MEF2C: variants seen among roughly 807,000 people sequenced by gnomAD.
MEF2C encodes the protein myocyte enhancer factor 2C, also known as myocyte-specific enhancer factor 2C.
A neutral mutation model predicts 50.5 loss-of-function variants in MEF2C; 6 were observed. The ratio of observed to expected loss-of-function variants is 0.12; its 90% CI spans 0.07 to 0.23. MEF2C has a LOEUF of 0.23. Ranked by LOEUF, MEF2C falls within the 10% of genes least tolerant of loss-of-function variation. The pLI is 1.00. For synonymous variants in MEF2C, 183 were observed against 228.0 expected (o/e 0.80, Z 1.78); for missense variants, 276 against 605.0 (o/e 0.46, Z 5.70).
intron 1 of MEF2C, among the ~76,000 whole-genome samples, chr5:88,835,981 A>G (rs1814942490): frequency 1.3e-5 from 2 of 152,126 alleles, no homozygotes; most frequent in Admixed American, 6.6e-5. Context: ...AATTAGGGGT[A>G]TATATTTTCA....
chr5:88,743,335 G>A (rs548244191), intron 6 of MEF2C: 436 of 985,298 alleles, frequency 4.4e-4, no homozygotes, highest in Non-Finnish European at 5.0e-4. Flanking sequence ...AAGTCACTAA[G>A]TAAGAATTGC....
chr5:88,890,906 T>A (rs993075157), intron 1 of MEF2C, among the ~76,000 whole-genome samples: 6 of 152,318 alleles, frequency 3.9e-5, no homozygotes, highest in Non-Finnish European at 7.3e-5. Flanking sequence ...GGAAAGAAGA[T>A]AAGGTCCCCT....
At chr5:88,776,332 CTTAT>C (rs1784743995) in intron 3 of MEF2C, among the ~76,000 whole-genome samples, 1 of 152,154 alleles carries the variant, frequency 6.6e-6, no homozygotes, top group African/African-American at 2.4e-5. Flanking sequence ...TATCACCTCT[CTTAT>C]TTTTTATGGT....
intron 1 of MEF2C, chr5:88,825,451 C>T (rs1370683261): frequency 3.1e-6 from 3 of 976,854 alleles, no homozygotes; most frequent in Middle Eastern, 5.2e-4. Context: ...ATTATGACCA[C>T]ACAGTGCTCA....
chr5:88,859,847 A>G (rs2153420007), intron 1 of MEF2C, among the ~76,000 whole-genome samples: 1 of 152,352 alleles, frequency 6.6e-6, no homozygotes, highest in Middle Eastern at 3.4e-3. Flanking sequence ...CAACAAAAAT[A>G]TATTTTAGTT....
At chr5:88,772,193 C>T (rs1264761040) in intron 3 of MEF2C, 2 of 152,224 alleles carry the variant, frequency 1.3e-5, no homozygotes, top group African/African-American at 4.8e-5. Flanking sequence ...ACAGAACTTT[C>T]CATAAGGCAT....
chr5:88,734,068 A>T (rs1247906131), intron 6 of MEF2C: 7 of 985,184 alleles, frequency 7.1e-6, no homozygotes, highest in Non-Finnish European at 8.4e-6. Context: ...ACTTAAAAAA[A>T]AAAAGCTTGA....
At chr5:88,846,351 A>G (rs1819348537) in intron 1 of MEF2C, among the ~76,000 whole-genome samples, 1 of 152,208 alleles carries the variant, frequency 6.6e-6, no homozygotes, top group Non-Finnish European at 1.5e-5. Context: ...TACAGGCGTG[A>G]GCCACCATGC....
intron 7 of MEF2C, among the ~76,000 whole-genome samples, chr5:88,731,227 G>A (rs1761397072): frequency 6.6e-6 from 1 of 152,176 alleles, no homozygotes; most frequent in Non-Finnish European, 1.5e-5. Context: ...GTGTAGGCAT[G>A]CGATGTATTA....
intron 3 of MEF2C, among the ~76,000 whole-genome samples, chr5:88,768,328 T>C (rs1332036272): frequency 1.3e-5 from 2 of 152,144 alleles, no homozygotes; most frequent in Non-Finnish European, 2.9e-5. Context: ...ACATTTCCAC[T>C]TCAATGTTAA....
chr5:88,726,484 C>G lies in MEF2C; in HGVS notation c.1100+2009G>C, dbSNP rs935110413. Among the ~76,000 whole-genome samples, 14 of 152,068 alleles carry G rather than the reference C, an allele frequency of 9.2e-5. No homozygotes were observed. The East Asian group carries it at 2.5e-3, about 27-fold the overall frequency. On this transcript the variant is annotated intron_variant, in intron 10 of 10. Coordinates refer to ENST00000504921, the MANE Select transcript of MEF2C (RefSeq NM_002397.5). ...AGGAACCTCCTTTCAAAAAGCTACT[C>G]TGTGTGTGATTGTGAGAGGGAGAAA...
chr5:88,810,772 G>T (rs1283043944), intron 2 of MEF2C, among the ~76,000 whole-genome samples: 1 of 152,074 alleles, frequency 6.6e-6, no homozygotes, highest in Non-Finnish European at 1.5e-5. Context: ...AGACATTTTT[G>T]TCATTGGTTT....
chr5:88,865,959 T>G (rs926537236), intron 1 of MEF2C, among the ~76,000 whole-genome samples: 4 of 151,916 alleles, frequency 2.6e-5, no homozygotes, highest in African/African-American at 7.2e-5. Flanking sequence ...GCAGTGACTC[T>G]ATCTCGGCTC....
intron 3 of MEF2C, chr5:88,804,378 G>C (rs1799511264): frequency 2.0e-6 from 1 of 506,644 alleles, no homozygotes; most frequent in Admixed American, 3.3e-5. Context: ...TTCTAGCAAA[G>C]ACCAGATCTT....
At chr5:88,819,119 G>A (rs1807027171) in intron 2 of MEF2C, among the ~76,000 whole-genome samples, 1 of 151,912 alleles carries the variant, frequency 6.6e-6, no homozygotes, top group Non-Finnish European at 1.5e-5. Context: ...GCTAGTAAGT[G>A]GCAGAACTGG....
intron 3 of MEF2C, 62 bp downstream of exon 3, chr5:88,804,536 A>G: frequency 2.8e-6 from 4 of 1,438,014 alleles, no homozygotes; most frequent in South Asian, 1.2e-5. Flanking sequence ...TGTGTGTGGC[A>G]GGGGGAGGTC....
intron 3 of MEF2C, among the ~76,000 whole-genome samples, chr5:88,797,322 C>T (rs6880641): frequency 0.031 from 4,678 of 151,926 alleles, 249 homozygotes; most frequent in African/African-American, 0.11. Context: ...TATTGGGTGC[C>T]TATATATTTA....
At chr5:88,725,600 T>G (rs1758340607) in intron 10 of MEF2C, among the ~76,000 whole-genome samples, 2 of 152,060 alleles carry the variant, frequency 1.3e-5, no homozygotes, top group Non-Finnish European at 2.9e-5. Context: ...AAGCCAGATA[T>G]GCAAGTTACC....
At chr5:88,794,487 G>C (rs1321027848) in intron 3 of MEF2C, among the ~76,000 whole-genome samples, 2 of 151,866 alleles carry the variant, frequency 1.3e-5, no homozygotes, top group African/African-American at 2.4e-5. Flanking sequence ...CTTTTTGATG[G>C]GGTTGTTTTT....
Sources: gnomAD v4.1 joint callset for allele counts (sites outside exome capture counted in the v4.1 genomes callset) on GRCh38, gnomAD v4.1.1 for gene constraint, MANE v1.5 for transcripts, NCBI Gene and HGNC (gene_info 2026-07-23, HGNC 2026-07-21) for gene names.